SGCD: variants seen among roughly 807,000 people sequenced by gnomAD.
The protein encoded by SGCD is delta-sarcoglycan.
A neutral mutation model predicts 36.6 loss-of-function variants in SGCD; 18 were observed. The ratio of observed to expected loss-of-function variants is 0.49; its 90% CI spans 0.34 to 0.73. The LOEUF is 0.73. Ranked by LOEUF, SGCD falls within the 30% of genes least tolerant of loss-of-function variation. The pLI, the probability that SGCD is intolerant of heterozygous loss-of-function variation, is 0.01. For missense variants in SGCD, 387 were observed against 346.7 expected, an observed-to-expected ratio of 1.12 and a Z score of -0.92; for synonymous variants, 133 against 130.6, an observed-to-expected ratio of 1.02 and a Z score of -0.12.
At chr5:155,962,615 G>C (rs1757813963) in intron 1 of SGCD, among the ~76,000 whole-genome samples, 1 of 152,104 alleles carries the variant, frequency 6.6e-6, no homozygotes, top group Non-Finnish European at 1.5e-5. Flanking sequence ...TGGCAAGACT[G>C]AAATAAGAAA....
intron 7 of SGCD, among the ~76,000 whole-genome samples, chr5:156,724,595 A>G (rs946117172): frequency 5.3e-5 from 8 of 151,826 alleles, no homozygotes; most frequent in African/African-American, 9.7e-5. Flanking sequence ...TGACAGAGCG[A>G]GACTCCATCT....
intron 1 of SGCD, among the ~76,000 whole-genome samples, chr5:156,017,683 T>C (rs571284974): frequency 3.3e-5 from 5 of 152,256 alleles, no homozygotes; most frequent in Non-Finnish European, 5.9e-5. Context: ...AAATAGTCTC[T>C]AGTTCAGTAA....
At chr5:155,942,993 C>T (rs1007470638) in intron 1 of SGCD, among the ~76,000 whole-genome samples, 1 of 152,134 alleles carries the variant, frequency 6.6e-6, no homozygotes, top group Non-Finnish European at 1.5e-5. Flanking sequence ...TTCCACATAA[C>T]AGATTTAAAA....
chr5:156,687,224 A>T (rs983885147), intron 7 of SGCD, among the ~76,000 whole-genome samples: 1 of 152,210 alleles, frequency 6.6e-6, no homozygotes, highest in Non-Finnish European at 1.5e-5. Context: ...AAGCCACACA[A>T]CAGTAGCTCT....
the SGCD span, among the ~76,000 whole-genome samples, chr5:155,850,724 C>T: frequency 6.6e-6 from 1 of 152,124 alleles, no homozygotes; most frequent in African/African-American, 2.4e-5. Flanking sequence ...TTGCTTTGCT[C>T]CTTGTCTTTC....
chr5:156,739,536 G>A (rs1308137532), intron 7 of SGCD: 1 of 152,136 alleles, frequency 6.6e-6, no homozygotes, highest in East Asian at 1.9e-4. Flanking sequence ...AGGGTAGGAT[G>A]ACCAAGAAGA....
At chr5:155,979,452 A>T (rs1287997394) in intron 1 of SGCD, among the ~76,000 whole-genome samples, 1 of 152,164 alleles carries the variant, frequency 6.6e-6, no homozygotes, top group Non-Finnish European at 1.5e-5. Flanking sequence ...GGGCTCTGAG[A>T]TGGAGATTAG....
At chr5:155,810,409 G>A in the SGCD span, among the ~76,000 whole-genome samples, 1 of 151,902 alleles carries the variant, frequency 6.6e-6, no homozygotes, top group Non-Finnish European at 1.5e-5. Context: ...TGCCCTAGAA[G>A]GCTGTGTATG....
At chr5:155,883,731 C>T (rs1264984652) in intron 1 of SGCD, among the ~76,000 whole-genome samples, 1 of 132,354 alleles carries the variant, frequency 7.6e-6, no homozygotes, top group Non-Finnish European at 1.5e-5. Flanking sequence ...TGTGTACATA[C>T]TATTGGAAAA....
At chr5:156,310,817 G>A (rs1767373486) in intron 3 of SGCD, among the ~76,000 whole-genome samples, 1 of 152,176 alleles carries the variant, frequency 6.6e-6, no homozygotes, top group Non-Finnish European at 1.5e-5. Flanking sequence ...TTGCTTTCAT[G>A]AAATTTCACT....
chr5:155,910,087 A>G (rs755535143), intron 1 of SGCD, among the ~76,000 whole-genome samples: 23 of 151,958 alleles, frequency 1.5e-4, no homozygotes, highest in Non-Finnish European at 3.1e-4. Context: ...TGGTTTTTAA[A>G]TTTTGTTCTC....
At chr5:156,135,566 T>A (rs1762436835) in intron 3 of SGCD, among the ~76,000 whole-genome samples, 1 of 152,174 alleles carries the variant, frequency 6.6e-6, no homozygotes, top group Non-Finnish European at 1.5e-5. Context: ...GAAGATTTTC[T>A]GTCCAGCTTC....
At chr5:155,941,170 T>A (rs190061100) in intron 1 of SGCD, among the ~76,000 whole-genome samples, 2 of 152,228 alleles carry the variant, frequency 1.3e-5, no homozygotes, top group African/African-American at 4.8e-5. Flanking sequence ...ACAAACCCAC[T>A]CTCGAGATAA....
At chr5:155,936,142 G>A (rs946551250) in intron 1 of SGCD, among the ~76,000 whole-genome samples, 10 of 152,204 alleles carry the variant, frequency 6.6e-5, no homozygotes, top group African/African-American at 2.4e-4. Context: ...CCGAAGGACT[G>A]CAGCTCTTCT....
intron 3 of SGCD, among the ~76,000 whole-genome samples, chr5:156,149,397 C>G (rs1420826517): frequency 6.6e-6 from 1 of 152,190 alleles, no homozygotes; most frequent in African/African-American, 2.4e-5. Context: ...GTATTATACT[C>G]TGATAAGCAG....
intron 4 of SGCD, among the ~76,000 whole-genome samples, chr5:156,548,620 A>AT (rs373974250): frequency 0.027 from 4,037 of 149,768 alleles, 127 homozygotes; most frequent in East Asian, 0.17. Flanking sequence ...CTTTCCGTGT[A>AT]TTTTTTTTTT....
chr5:156,033,435 T>C (rs1395210919), intron 1 of SGCD, among the ~76,000 whole-genome samples: 2 of 152,144 alleles, frequency 1.3e-5, no homozygotes, highest in South Asian at 4.1e-4. Flanking sequence ...TTTCCTTCTA[T>C]ATGTCCGTGT....
intron 1 of SGCD, among the ~76,000 whole-genome samples, chr5:155,933,515 T>G (rs1355360046): frequency 1.3e-5 from 2 of 152,188 alleles, no homozygotes; most frequent in Non-Finnish European, 2.9e-5. Flanking sequence ...CCTGGCAAAA[T>G]ATAAATATTT....
chr5:155,996,554 G>T (rs907674992), intron 1 of SGCD, among the ~76,000 whole-genome samples: 2 of 152,144 alleles, frequency 1.3e-5, no homozygotes, highest in East Asian at 1.9e-4. Context: ...GAGGCGGGGG[G>T]ATCACTTAAG....
Sources: allele counts gnomAD v4.1 joint callset (sites outside exome capture counted in the v4.1 genomes callset), GRCh38; gene constraint gnomAD v4.1.1; transcripts MANE v1.5; gene names NCBI Gene and HGNC (gene_info 2026-07-23, HGNC 2026-07-21).